Variants in PTPRM observed in about 807,000 individuals in gnomAD.
PTPRM encodes the protein protein tyrosine phosphatase receptor type M, also known as receptor-type tyrosine-protein phosphatase mu.
PTPRM carries 47 observed loss-of-function variants against 186.7 expected under a neutral mutation model. That is an observed-to-expected ratio of 0.25 (90% CI 0.20 to 0.32). PTPRM has a LOEUF of 0.32. Among genes scored for constraint, PTPRM ranks in the 10% least tolerant of loss-of-function variants. The probability of loss-of-function intolerance (pLI) is 1.00; values close to 1 mark genes in which losing one functional copy is unlikely to be tolerated. For missense variants in PTPRM, 1,494 were observed against 1,865.0 expected (o/e 0.80, Z 3.66); for synonymous variants, 668 against 674.9 (o/e 0.99, Z 0.16).
chr18:8,011,925 C>A lies in PTPRM; in HGVS notation c.1132+56511C>A, dbSNP rs113125373. On this transcript the variant is annotated intron_variant, in intron 7 of 32. Coordinates refer to ENST00000580170, the MANE Select transcript of PTPRM (RefSeq NM_001105244.2). The stretch of plus-strand genomic sequence containing the variant: ...TTTCTAGTAACATGACCAAATTATA[C>A]GTATAGAAATAGGTATAAGTTGAAA... 9.6e-3 allele frequency among the ~76,000 whole-genome samples: 1,469 copies of A among 152,286 alleles called. 16 individuals carry two copies. Among genetic ancestry groups the A allele is most frequent in the Non-Finnish European group, 0.013 (873 of 68,020 alleles).
At chr18:7,632,520 A>G (rs980247029) in intron 1 of PTPRM, among the ~76,000 whole-genome samples, 1 of 152,140 alleles carries the variant, frequency 6.6e-6, no homozygotes, top group African/African-American at 2.4e-5. Context: ...GTGCCTTAGC[A>G]CTTGGTGTCG....
At chr18:7,667,106 C>T (rs2039113619) in intron 1 of PTPRM, among the ~76,000 whole-genome samples, 1 of 152,172 alleles carries the variant, frequency 6.6e-6, no homozygotes, top group East Asian at 1.9e-4. Flanking sequence ...GTTAGGATTT[C>T]ATTACGACTG....
intron 1 of PTPRM, among the ~76,000 whole-genome samples, chr18:7,768,504 A>G (rs1598599956): frequency 6.6e-6 from 1 of 152,306 alleles, no homozygotes; most frequent in African/African-American, 2.4e-5. Context: ...AAAAACACAA[A>G]GAATAAAAAG....
chr18:8,160,932 C>T (rs2093218613), intron 14 of PTPRM, among the ~76,000 whole-genome samples: 1 of 152,140 alleles, frequency 6.6e-6, no homozygotes, highest in East Asian at 1.9e-4. Flanking sequence ...TTATTGGGAG[C>T]TATCAAAATG....
At chr18:8,033,428 C>A (rs532415124) in intron 7 of PTPRM, among the ~76,000 whole-genome samples, 2 of 152,148 alleles carry the variant, frequency 1.3e-5, no homozygotes, top group Non-Finnish European at 1.5e-5. Context: ...TTCACCATTT[C>A]ATGGTTGTGC....
intron 7 of PTPRM, among the ~76,000 whole-genome samples, chr18:8,042,416 C>T (rs559785082): frequency 2.8e-4 from 43 of 152,194 alleles, no homozygotes; most frequent in African/African-American, 9.9e-4. Context: ...AAAATTATAA[C>T]TCTTAATATC....
chr18:8,034,891 T>C (rs2086223752), intron 7 of PTPRM, among the ~76,000 whole-genome samples: 1 of 152,130 alleles, frequency 6.6e-6, no homozygotes, highest in Non-Finnish European at 1.5e-5. Flanking sequence ...GCCTAGTGGG[T>C]CTCCTGTGTA....
chr18:7,797,745 T>C (rs2043740092), intron 2 of PTPRM, among the ~76,000 whole-genome samples: 2 of 151,726 alleles, frequency 1.3e-5, no homozygotes, highest in Admixed American at 1.3e-4. Context: ...TCCTAGAAGA[T>C]TGTCTTTTTC....
chr18:7,576,218 A>G (rs1421963277), intron 1 of PTPRM, among the ~76,000 whole-genome samples: 5 of 152,242 alleles, frequency 3.3e-5, no homozygotes. Flanking sequence ...CAAAGCATAA[A>G]AGCTTATAGA....
chr18:7,963,583 G>A (rs187335437), intron 7 of PTPRM, among the ~76,000 whole-genome samples: 1 of 152,318 alleles, frequency 6.6e-6, no homozygotes, highest in Non-Finnish European at 1.5e-5. Flanking sequence ...CTTTGTAGGT[G>A]GCTTCTTGTG....
intron 4 of PTPRM, among the ~76,000 whole-genome samples, chr18:7,907,752 ATG>A (rs112103046): frequency 3.5e-4 from 52 of 149,356 alleles, no homozygotes; most frequent in South Asian, 8.6e-4. Context: ...AACACCGCAA[ATG>A]TGTGTGTGTG....
At chr18:7,748,654 C>G (rs1056710892) in intron 1 of PTPRM, among the ~76,000 whole-genome samples, 6 of 152,164 alleles carry the variant, frequency 3.9e-5, no homozygotes, top group Non-Finnish European at 7.4e-5. Context: ...TTTTCCTGCC[C>G]TCTTTGTCTA....
At position 7,777,183 on chromosome 18, in the gene PTPRM, A is replaced by C. The variant is rs540807518; in HGVS notation, c.196+2912A>C. 2.0e-5 allele frequency among the ~76,000 whole-genome samples: 3 copies of C among 152,208 alleles called. No homozygotes were observed. The South Asian group carries it at 6.2e-4, about 32-fold the overall frequency. The stretch of plus-strand genomic sequence containing the variant: ...AAAATACTATTGGATTTATTCTTTC[A>C]TGGGTATGTGTATTTGTCTTATGTA... On this transcript the variant is annotated intron_variant, in intron 2 of 32. Coordinates refer to ENST00000580170, the MANE Select transcript of PTPRM (RefSeq NM_001105244.2).
intron 23 of PTPRM, among the ~76,000 whole-genome samples, chr18:8,368,097 A>G (rs533022370): frequency 6.6e-6 from 1 of 151,850 alleles, no homozygotes; most frequent in Non-Finnish European, 1.5e-5. Flanking sequence ...CCTGTATACC[A>G]TATATGTAGT....
At chr18:7,698,735 G>T (rs2039895703) in intron 1 of PTPRM, among the ~76,000 whole-genome samples, 1 of 152,054 alleles carries the variant, frequency 6.6e-6, no homozygotes, top group South Asian at 2.1e-4. Context: ...GAGTGTTTTG[G>T]TTTTTGCACA....
chr18:8,251,405 G>A (rs1312873112), intron 17 of PTPRM, among the ~76,000 whole-genome samples: 2 of 152,176 alleles, frequency 1.3e-5, no homozygotes, highest in Non-Finnish European at 2.9e-5. Flanking sequence ...AAAGCTCAAG[G>A]GATTCGGTAC....
intron 23 of PTPRM, among the ~76,000 whole-genome samples, chr18:8,354,473 C>G (rs191712002): frequency 6.6e-6 from 1 of 152,238 alleles, no homozygotes; most frequent in East Asian, 1.9e-4. Flanking sequence ...AGGTCACGAG[C>G]TACAGAAAGG....
intron 14 of PTPRM, among the ~76,000 whole-genome samples, chr18:8,216,153 A>G (rs2094082021): frequency 1.3e-5 from 2 of 152,120 alleles, no homozygotes; most frequent in Non-Finnish European, 2.9e-5. Context: ...TGGAAGTCAT[A>G]AAAACCTGGT....
intron 13 of PTPRM, among the ~76,000 whole-genome samples, chr18:8,126,935 T>C (rs977124521): frequency 1.2e-4 from 18 of 151,994 alleles, no homozygotes; most frequent in Non-Finnish European, 1.5e-5. Context: ...AGTAAGGTGA[T>C]ACAGGCAGAG....
Sources: gnomAD v4.1 joint callset for allele counts (sites outside exome capture counted in the v4.1 genomes callset) on GRCh38, gnomAD v4.1.1 for gene constraint, MANE v1.5 for transcripts, NCBI Gene and HGNC (gene_info 2026-07-23, HGNC 2026-07-21) for gene names.